Variants in DNER observed in about 807,000 individuals in gnomAD.
The protein encoded by DNER is delta/notch like EGF repeat containing.
In DNER, 33 loss-of-function variants were observed where a neutral mutation model predicts 78.2. The observed-to-expected ratio is 0.42, with a 90% CI of 0.32 to 0.56. DNER has a LOEUF of 0.56. DNER is among the 20% of genes least tolerant of loss of function. The probability of loss-of-function intolerance (pLI) is 0.11; values close to 1 mark genes in which losing one functional copy is unlikely to be tolerated. For synonymous variants in DNER, 417 were observed against 384.8 expected, an observed-to-expected ratio of 1.08 and a Z score of -0.98; for missense variants, 918 against 975.3, an observed-to-expected ratio of 0.94 and a Z score of 0.78.
At position 229,516,370 on chromosome 2, in the gene DNER, C is replaced by T. The variant is rs554538991; in HGVS notation, c.994-3434G>A. 1.8e-3 allele frequency among the ~76,000 whole-genome samples: 278 copies of T among 152,326 alleles called. 1 individual carries two copies. The highest frequency in any genetic ancestry group is 6.5e-3 in the African/African-American group (270 of 41,586). On this transcript the variant is annotated intron_variant, in intron 5 of 12. Transcript: ENST00000341772. ...CATGTTTGACCACTGAAGTTTAACT[C>T]ATTGCCTGTGATATCACTAATCACT... is the stretch of plus-strand genomic sequence containing the variant.
chr2:229,663,866 C>T (rs1436933802), intron 1 of DNER, among the ~76,000 whole-genome samples: 1 of 152,244 alleles, frequency 6.6e-6, no homozygotes, highest in African/African-American at 2.4e-5. Flanking sequence ...CTCACTCTGT[C>T]CCCCAGGCTG....
At chr2:229,397,261 A>G (rs1284843802) in intron 10 of DNER, among the ~76,000 whole-genome samples, 3 of 152,038 alleles carry the variant, frequency 2.0e-5, no homozygotes, top group African/African-American at 7.2e-5. Context: ...GAACAACATG[A>G]TTGTGAGCTC....
chr2:229,518,177 C>G (rs1696018799), intron 5 of DNER, among the ~76,000 whole-genome samples: 1 of 152,168 alleles, frequency 6.6e-6, no homozygotes, highest in African/African-American at 2.4e-5. Flanking sequence ...AGGTGATCTT[C>G]CAAGTATGAG....
rs368058341 is a variant in DNER, at chr2:229,625,057, A to C, written c.277-33169T>G. On this transcript the variant is annotated intron_variant, in intron 1 of 12. Coordinates refer to ENST00000341772, the MANE Select transcript of DNER (RefSeq NM_139072.4). Reference sequence around the variant, plus strand: ...TCATTTTATTATTTTGTTTTATTATATATTGAAGATAAATATGAGAAGATT... The same window carrying C: ...TCATTTTATTATTTTGTTTTATTATCTATTGAAGATAAATATGAGAAGATT... Among the ~76,000 whole-genome samples the C allele has an allele frequency of 7.2e-5, 11 of 152,084 alleles. No individual in the cohort carries two copies. In the East Asian group the frequency reaches 1.3e-3, roughly 19 times the overall value.
At position 229,447,319 on chromosome 2, in the gene DNER, G is replaced by C. The variant is rs778473732; in HGVS notation, c.1483C>G (p.Pro495Ala). The C allele has an allele frequency of 6.3e-7, 1 of 1,597,890 alleles. No homozygotes were observed. The change falls in exon 8 of 13, where the codon CCA becomes GCA. Residue 495 changes from proline (P) to alanine (A), a missense_variant. Coordinates refer to ENST00000341772, the MANE Select transcript of DNER (RefSeq NM_139072.4). The stretch of plus-strand genomic sequence containing the variant: ...ACTGTGTAGGGGCGGTACCCACCTG[G>C]ATCACAGAGGCATTTGTAGCTGGTG... ...VGTSYKCLCDPGYHGLYCEEE... is the reference protein window; with the variant it reads ...VGTSYKCLCDAGYHGLYCEEE...
At chr2:229,387,511 GAAAGAAAGAAAGAAAGAA>G (rs1692904721) in intron 11 of DNER, among the ~76,000 whole-genome samples, 18 of 39,868 alleles carry the variant, frequency 4.5e-4, no homozygotes, top group African/African-American at 1.3e-3. Flanking sequence ...AAGAAAGAGA[GAAAGAAAGAAAGAAAGAA>G]AGAAAGAAAG....
intron 10 of DNER, among the ~76,000 whole-genome samples, chr2:229,403,741 A>G (rs913467622): frequency 1.3e-5 from 2 of 151,936 alleles, no homozygotes; most frequent in Non-Finnish European, 2.9e-5. Context: ...ATATATGGGT[A>G]TGGTGGGTGT....
At chr2:229,632,153 G>A (rs1698442857) in intron 1 of DNER, among the ~76,000 whole-genome samples, 1 of 152,144 alleles carries the variant, frequency 6.6e-6, no homozygotes, top group African/African-American at 2.4e-5. Context: ...TAGCTGATAA[G>A]GATGAGAAGT....
intron 5 of DNER, among the ~76,000 whole-genome samples, chr2:229,514,859 G>A (rs181446699): frequency 6.2e-4 from 95 of 152,240 alleles, no homozygotes; most frequent in African/African-American, 2.0e-3. Flanking sequence ...CATTTAGCTC[G>A]ACCAAACTGC....
intron 1 of DNER, among the ~76,000 whole-genome samples, chr2:229,614,262 G>A (rs1698110978): frequency 6.6e-6 from 1 of 151,850 alleles, no homozygotes; most frequent in Non-Finnish European, 1.5e-5. Flanking sequence ...CTAATTGAAG[G>A]ACATCATGGC....
intron 5 of DNER, among the ~76,000 whole-genome samples, chr2:229,546,410 T>A (rs1300934821): frequency 9.2e-5 from 14 of 151,688 alleles, no homozygotes; most frequent in Admixed American, 8.5e-4. Context: ...AACAAGGAAT[T>A]AGAAAATAGA....
Position 229,374,003 on chromosome 2 carries a change from T to C in DNER, c.1856-6884A>G, listed in dbSNP as rs528319573. 2.6e-5 allele frequency among the ~76,000 whole-genome samples: 4 copies of C among 152,070 alleles called. No individual in the cohort carries two copies. The East Asian group carries it at 7.7e-4, about 29-fold the overall frequency. On this transcript the variant is annotated intron_variant, in intron 11 of 12. Coordinates refer to ENST00000341772, the MANE Select transcript of DNER (RefSeq NM_139072.4). The stretch of plus-strand genomic sequence containing the variant: ...CAACATGGAAAAACTCCATCTCTAC[T>C]AAAAATACAAAAAAAGTAGCCAGGT...
chr2:229,630,180 A>G (rs957254734), intron 1 of DNER, among the ~76,000 whole-genome samples: 5 of 152,202 alleles, frequency 3.3e-5, no homozygotes, highest in Admixed American at 1.3e-4. Context: ...ACTCACAAAA[A>G]ATAAAACCTT....
intron 11 of DNER, among the ~76,000 whole-genome samples, chr2:229,378,442 G>A (rs1692657902): frequency 6.6e-6 from 1 of 152,182 alleles, no homozygotes; most frequent in African/African-American, 2.4e-5. Context: ...TGAAGGCAGG[G>A]ATGACCTTGA....
At chr2:229,672,796 C>T (rs72977263) in intron 1 of DNER, among the ~76,000 whole-genome samples, 1,651 of 152,230 alleles carry the variant, frequency 0.011, 15 homozygotes, top group Middle Eastern at 0.041. Flanking sequence ...GTCTGCCTGC[C>T]CATGTTTAAG....
At chr2:229,556,981 T>C (rs893851445) in intron 4 of DNER, among the ~76,000 whole-genome samples, 7 of 152,208 alleles carry the variant, frequency 4.6e-5, no homozygotes, top group African/African-American at 1.7e-4. Context: ...TAGGGGGAAA[T>C]GCCTGTATTT....
intron 8 of DNER, among the ~76,000 whole-genome samples, chr2:229,436,727 C>T (rs536569849): frequency 6.6e-6 from 1 of 152,252 alleles, no homozygotes; most frequent in East Asian, 1.9e-4. Flanking sequence ...AAATAAGATG[C>T]TTTTTGAACA....
At chr2:229,690,108 G>A (rs530260152) in intron 1 of DNER, among the ~76,000 whole-genome samples, 1 of 152,330 alleles carries the variant, frequency 6.6e-6, no homozygotes, top group Non-Finnish European at 1.5e-5. Context: ...GTCCGCAGGC[G>A]TAGCTGCCCT....
chr2:229,495,044 T>G lies in DNER; in HGVS notation c.1147+17739A>C, dbSNP rs114716843. On this transcript the variant is annotated intron_variant, in intron 6 of 12. Transcript: ENST00000341772. ...CTTCAGAACAACTTTCTCATTTTTTTGCAATATAGATAGATTGAGAATTTT... is the reference window on the plus strand; with the variant it reads ...CTTCAGAACAACTTTCTCATTTTTTGGCAATATAGATAGATTGAGAATTTT... Among the ~76,000 whole-genome samples, 766 of 152,322 alleles carry G rather than the reference T, an allele frequency of 5.0e-3. 10 individuals are homozygous for G. The highest frequency in any genetic ancestry group is 0.017 in the African/African-American group (726 of 41,560).
Sources: allele counts gnomAD v4.1 joint callset (sites outside exome capture counted in the v4.1 genomes callset), GRCh38; gene constraint gnomAD v4.1.1; transcripts MANE v1.5; gene names NCBI Gene and HGNC (gene_info 2026-07-23, HGNC 2026-07-21).